Variants in PDE1C observed in about 807,000 individuals in gnomAD.
The protein encoded by PDE1C is dual specificity calcium/calmodulin-dependent 3',5'-cyclic nucleotide phosphodiesterase 1C.
In PDE1C, 62 loss-of-function variants were observed where a neutral mutation model predicts 93.1. The ratio of observed to expected loss-of-function variants is 0.67; its 90% CI spans 0.54 to 0.82. The LOEUF (loss-of-function observed/expected upper bound fraction) is 0.82. PDE1C is among the 40% of genes least tolerant of loss of function. PDE1C has a pLI of 0.00. For missense variants in PDE1C, 742 were observed against 884.6 expected, an observed-to-expected ratio of 0.84 and a Z score of 2.04; for synonymous variants, 325 against 310.1, an observed-to-expected ratio of 1.05 and a Z score of -0.50.
intron 11 of PDE1C, among the ~76,000 whole-genome samples, chr7:31,836,481 C>T (rs1490668766): frequency 2.0e-5 from 3 of 152,018 alleles, no homozygotes; most frequent in Non-Finnish European, 4.4e-5. Flanking sequence ...ATTACAGGCA[C>T]CCACCACCAC....
chr7:32,219,345 A>C (rs1324105317), intron 1 of PDE1C, among the ~76,000 whole-genome samples: 6 of 152,182 alleles, frequency 3.9e-5, no homozygotes, highest in Non-Finnish European at 7.3e-5. Context: ...TTATTCATAA[A>C]TATTTCCCTT....
At chr7:32,270,194 T>C (rs540490616) in intron 1 of PDE1C, among the ~76,000 whole-genome samples, 21 of 152,106 alleles carry the variant, frequency 1.4e-4, no homozygotes, top group Non-Finnish European at 7.4e-5. Context: ...TAAAATAATA[T>C]ACTCCAAAAT....
At chr7:31,941,110 A>G (rs1805784717) in intron 2 of PDE1C, among the ~76,000 whole-genome samples, 1 of 152,032 alleles carries the variant, frequency 6.6e-6, no homozygotes, top group South Asian at 2.1e-4. Context: ...CCCAAAGCAC[A>G]AGGTAAATAT....
chr7:32,147,984 T>TCAAAAAAAAAAAAAAAAAA (rs1801002001), intron 3 of PDE1C, among the ~76,000 whole-genome samples: 1 of 79,730 alleles, frequency 1.3e-5, no homozygotes, highest in African/African-American at 5.6e-5. Flanking sequence ...CCATTTATGC[T>TCAAAAAAAAAAAAAAAAAA]AAAAAAAAAA....
chr7:31,929,419 A>G (rs1243366154), intron 2 of PDE1C, among the ~76,000 whole-genome samples: 2 of 152,232 alleles, frequency 1.3e-5, no homozygotes, highest in African/African-American at 4.8e-5. Context: ...ACTTGAACTC[A>G]GCTCTGGACC....
chr7:31,887,919 T>C (rs1798151292), intron 2 of PDE1C, among the ~76,000 whole-genome samples: 1 of 152,130 alleles, frequency 6.6e-6, no homozygotes, highest in South Asian at 2.1e-4. Context: ...TACAGCCTTG[T>C]AGTATGCAGC....
chr7:32,106,370 T>G (rs1170769514), intron 3 of PDE1C, among the ~76,000 whole-genome samples: 2 of 151,914 alleles, frequency 1.3e-5, no homozygotes, highest in Non-Finnish European at 2.9e-5. Flanking sequence ...AGTGTCCTTC[T>G]CTTAAATATG....
At chr7:31,727,469 G>C in the PDE1C span, among the ~76,000 whole-genome samples, 1 of 152,108 alleles carries the variant, frequency 6.6e-6, no homozygotes, top group African/African-American at 2.4e-5. Context: ...AAATACCACT[G>C]TGACATGCAC....
chr7:32,099,694 C>T (rs924635534), intron 3 of PDE1C, among the ~76,000 whole-genome samples: 9 of 152,190 alleles, frequency 5.9e-5, no homozygotes, highest in African/African-American at 2.2e-4. Context: ...TCCTCATCTC[C>T]CATCACTCTT....
intron 3 of PDE1C, among the ~76,000 whole-genome samples, chr7:32,080,173 G>A (rs1404130726): frequency 1.3e-5 from 2 of 152,154 alleles, no homozygotes; most frequent in Non-Finnish European, 2.9e-5. Context: ...ATGAGGTCAG[G>A]AGGCAGGCGG....
At chr7:32,329,490 C>T (rs991084949) in intron 1 of PDE1C, among the ~76,000 whole-genome samples, 1 of 152,184 alleles carries the variant, frequency 6.6e-6, no homozygotes, top group African/African-American at 2.4e-5. Context: ...GCCTCAGACT[C>T]CTGCTCCCTG....
intron 2 of PDE1C, among the ~76,000 whole-genome samples, chr7:32,187,081 T>C (rs1189603183): frequency 1.3e-5 from 2 of 152,212 alleles, no homozygotes; most frequent in Non-Finnish European, 2.9e-5. Context: ...ATAGCTGTAA[T>C]GTGTTTTAAT....
intron 1 of PDE1C, among the ~76,000 whole-genome samples, chr7:32,325,980 G>A: frequency 6.6e-6 from 1 of 152,052 alleles, no homozygotes; most frequent in East Asian, 1.9e-4. Flanking sequence ...GGAGGTGGTT[G>A]GAAGTAGTGA....
intron 5 of PDE1C, among the ~76,000 whole-genome samples, 186 bp downstream of exon 5, chr7:31,877,784 A>G (rs978270559): frequency 6.6e-6 from 1 of 151,444 alleles, no homozygotes; most frequent in African/African-American, 2.4e-5. Flanking sequence ...TTGTTTTTAA[A>G]TTGGGAAGAT....
chr7:31,773,206 C>A (rs1795614967), intron 17 of PDE1C, among the ~76,000 whole-genome samples: 1 of 152,140 alleles, frequency 6.6e-6, no homozygotes, highest in Non-Finnish European at 1.5e-5. Flanking sequence ...TCTCTCAAGT[C>A]CTGTAGGGCA....
At chr7:32,344,439 A>G (rs1017901483) in intron 1 of PDE1C, among the ~76,000 whole-genome samples, 1 of 152,106 alleles carries the variant, frequency 6.6e-6, no homozygotes, top group African/African-American at 2.4e-5. Flanking sequence ...ATCTAGCCAG[A>G]TTTCCTTTCT....
At chr7:32,383,063 CA>C (rs1784562592) in intron 1 of PDE1C, among the ~76,000 whole-genome samples, 1 of 152,216 alleles carries the variant, frequency 6.6e-6, no homozygotes, top group Non-Finnish European at 1.5e-5. Flanking sequence ...AACATTAGGG[CA>C]TCTCAGGACT....
chr7:32,189,422 C>G (rs76688605), intron 2 of PDE1C, among the ~76,000 whole-genome samples: 3,947 of 152,228 alleles, frequency 0.026, 69 homozygotes, highest in Non-Finnish European at 0.039. Flanking sequence ...CACTGCCTCC[C>G]CCAAAATTAA....
At chr7:32,206,212 T>TG (rs1805499502) in intron 2 of PDE1C, among the ~76,000 whole-genome samples, 1 of 152,008 alleles carries the variant, frequency 6.6e-6, no homozygotes, top group Non-Finnish European at 1.5e-5. Context: ...GGATATATTC[T>TG]GGGGGGATTT....
Sources: gnomAD v4.1 joint callset for allele counts (sites outside exome capture counted in the v4.1 genomes callset) on GRCh38, gnomAD v4.1.1 for gene constraint, MANE v1.5 for transcripts, NCBI Gene and HGNC (gene_info 2026-07-23, HGNC 2026-07-21) for gene names.